VPS37A: variants seen among roughly 807,000 people sequenced by gnomAD.
VPS37A encodes the protein VPS37A subunit of ESCRT-I.
VPS37A carries 30 observed loss-of-function variants against 49.8 expected under a neutral mutation model. The observed-to-expected ratio is 0.60, with a 90% CI of 0.45 to 0.82. The LOEUF (loss-of-function observed/expected upper bound fraction) is 0.82, where lower values mean the gene tolerates loss of function less well. VPS37A is among the 40% of genes least tolerant of loss of function. The pLI is 0.00. For synonymous variants in VPS37A, 195 were observed against 160.6 expected, an observed-to-expected ratio of 1.21 and a Z score of -1.62; for missense variants, 593 against 464.4, an observed-to-expected ratio of 1.28 and a Z score of -2.55.
At chr8:17,253,580 A>T (rs11203835) in intron 1 of VPS37A, among the ~76,000 whole-genome samples, 11,880 of 152,228 alleles carry the variant, frequency 0.078, 633 homozygotes, top group South Asian at 0.2. Flanking sequence ...AGCTTTTCTG[A>T]TAGGGCTTCT....
At chr8:17,326,910 G>A in the VPS37A span, among the ~76,000 whole-genome samples, 25 of 152,248 alleles carry the variant, frequency 1.6e-4, no homozygotes, top group Admixed American at 1.0e-3. Context: ...GGAATATACC[G>A]ACCATAGCAA....
downstream of VPS37A, chr8:17,300,331 GAACAT>G: frequency 1.6e-6 from 2 of 1,227,438 alleles, no homozygotes; most frequent in South Asian, 3.2e-5. Flanking sequence ...ATAATGTTAA[GAACAT>G]GTGACTCAGA....
chr8:17,302,635 A>G (rs1380871130), downstream of VPS37A, among the ~76,000 whole-genome samples: 1 of 145,040 alleles, frequency 6.9e-6, no homozygotes, highest in Non-Finnish European at 1.5e-5. Flanking sequence ...CTACAAAGGG[A>G]ATCTTAAACT....
rs1814204316 is a variant in VPS37A at position 17,273,462 on chromosome 8, G to A, written c.417-1271G>A. 2.0e-5 allele frequency among the ~76,000 whole-genome samples: 3 copies of A among 152,164 alleles called. No individual in the cohort carries two copies. The South Asian group carries it at 6.2e-4, about 32-fold the overall frequency. Reference sequence around the variant, plus strand: ...GCTCACTGCAAGCTCGGCCTCCCGGGTTCATGCCATCCTCCTGCCTCAGCC... The same window carrying A: ...GCTCACTGCAAGCTCGGCCTCCCGGATTCATGCCATCCTCCTGCCTCAGCC... On this transcript the variant is annotated intron_variant, in intron 4 of 11. Coordinates refer to ENST00000324849, the MANE Select transcript of VPS37A (RefSeq NM_152415.3).
the VPS37A span, among the ~76,000 whole-genome samples, chr8:17,320,850 G>A: frequency 6.6e-6 from 1 of 152,178 alleles, no homozygotes; most frequent in Admixed American, 6.5e-5. Context: ...ACCACTCCCT[G>A]GGCGCCTGCT....
rs1299432713 is a variant in VPS37A, at chr8:17,247,228, C to G, written c.-17C>G. ...GCCAGAGCCTTCCAGGGCCTCCGGC[C>G]CGTGGACCCGAGGAGGATGAGCTGG... On this transcript the variant is annotated 5_prime_UTR_variant, in exon 1 of 12. Coordinates refer to ENST00000324849, the MANE Select transcript of VPS37A (RefSeq NM_152415.3). 1.3e-6 allele frequency: 2 copies of G among 1,564,830 alleles called. No individual in the cohort carries two copies. Among genetic ancestry groups the G allele is most frequent in the Non-Finnish European group, 8.7e-7 (1 of 1,154,654 alleles).
chr8:17,281,592 A>G (rs1815057280), intron 9 of VPS37A, among the ~76,000 whole-genome samples: 1 of 152,070 alleles, frequency 6.6e-6, no homozygotes, highest in Non-Finnish European at 1.5e-5. Context: ...TAAGAGAGTA[A>G]TGCCTCATGA....
At chr8:17,316,847 T>G in the VPS37A span, among the ~76,000 whole-genome samples, 2 of 152,086 alleles carry the variant, frequency 1.3e-5, no homozygotes, top group African/African-American at 2.4e-5. Flanking sequence ...GTGTGTGGAT[T>G]TGAGAATCTA....
rs1489996136 is a variant in VPS37A, at chr8:17,290,564, G to T, written c.*4137G>T. 2.6e-5 allele frequency among the ~76,000 whole-genome samples: 4 copies of T among 152,284 alleles called. No homozygotes were observed. In the South Asian group the frequency reaches 8.3e-4, roughly 32 times the overall value. On this transcript the variant is annotated intron_variant, in intron 11 of 11. Transcript: ENST00000324849. Reference sequence around the variant, plus strand: ...TGGTGGATAAGCTTTTTAATGCGCTGCTGGATTCAGTTTGCCAGTACATTA... The same window carrying T: ...TGGTGGATAAGCTTTTTAATGCGCTTCTGGATTCAGTTTGCCAGTACATTA...
downstream of VPS37A, among the ~76,000 whole-genome samples, chr8:17,301,154 C>G (rs557994868): frequency 6.6e-6 from 1 of 152,190 alleles, no homozygotes; most frequent in African/African-American, 2.4e-5. Context: ...TGCAAAAGCA[C>G]TGTGCTGGGC....
chr8:17,290,445 T>A (rs972379352), intron 11 of VPS37A, among the ~76,000 whole-genome samples: 2 of 152,220 alleles, frequency 1.3e-5, no homozygotes, highest in African/African-American at 4.8e-5. Flanking sequence ...AATTGTGGTT[T>A]TTGTCATTGC....
intron 1 of VPS37A, among the ~76,000 whole-genome samples, chr8:17,258,797 T>C (rs945011387): frequency 2.0e-5 from 3 of 152,084 alleles, no homozygotes; most frequent in African/African-American, 7.2e-5. Flanking sequence ...TCATTATTAT[T>C]GGCTTATTGA....
At chr8:17,263,189 A>G (rs761783500) in intron 1 of VPS37A, among the ~76,000 whole-genome samples, 7 of 152,330 alleles carry the variant, frequency 4.6e-5, no homozygotes, top group South Asian at 2.1e-4. Flanking sequence ...AAATGAGGCT[A>G]TGAATGTGCA....
chr8:17,263,516 A>G (rs1813156675), intron 1 of VPS37A, among the ~76,000 whole-genome samples: 1 of 114,278 alleles, frequency 8.8e-6, no homozygotes, highest in Non-Finnish European at 1.6e-5. Flanking sequence ...TTAGTTTGTG[A>G]AGAAAACTCA....
chr8:17,267,013 C>T (rs1274442175), intron 2 of VPS37A, among the ~76,000 whole-genome samples: 1 of 152,058 alleles, frequency 6.6e-6, no homozygotes, highest in Admixed American at 6.5e-5. Flanking sequence ...CCTCGTGATA[C>T]ACCCGCCTCG....
intron 10 of VPS37A, among the ~76,000 whole-genome samples, chr8:17,285,558 T>C (rs900939428): frequency 2.0e-5 from 3 of 152,224 alleles, no homozygotes; most frequent in Non-Finnish European, 2.9e-5. Flanking sequence ...TAGTAAACTT[T>C]ATGAAACATC....
At chr8:17,281,151 A>T (rs1367277224) in intron 9 of VPS37A, among the ~76,000 whole-genome samples, 1 of 152,020 alleles carries the variant, frequency 6.6e-6, no homozygotes, top group Non-Finnish European at 1.5e-5. Context: ...TAAAGAAATA[A>T]TAGCTAACAT....
intron 11 of VPS37A, among the ~76,000 whole-genome samples, chr8:17,291,033 TGATG>T (rs1180857903): frequency 6.6e-6 from 1 of 152,118 alleles, no homozygotes; most frequent in Non-Finnish European, 1.5e-5. Flanking sequence ...TGTTGTTTTG[TGATG>T]GACTCTCATT....
chr8:17,267,452 G>A (rs1374020765), intron 2 of VPS37A, among the ~76,000 whole-genome samples: 1 of 123,278 alleles, frequency 8.1e-6, no homozygotes, highest in Non-Finnish European at 1.7e-5. Flanking sequence ...GTTCAAAAAA[G>A]GTTAAAATTT....
Sources: gnomAD v4.1 joint callset for allele counts (sites outside exome capture counted in the v4.1 genomes callset) on GRCh38, gnomAD v4.1.1 for gene constraint, MANE v1.5 for transcripts, NCBI Gene and HGNC (gene_info 2026-07-23, HGNC 2026-07-21) for gene names.